Variants in EIPR1 observed in about 807,000 individuals in gnomAD.
The protein encoded by EIPR1 is EARP complex and GARP complex interacting protein 1.
A neutral mutation model predicts 48.1 loss-of-function variants in EIPR1; 25 were observed. That is an observed-to-expected ratio of 0.52 (90% CI 0.38 to 0.73). The LOEUF is 0.73. Ranked by LOEUF, EIPR1 falls within the 30% of genes least tolerant of loss-of-function variation. The probability of loss-of-function intolerance (pLI) is 0.00; values close to 1 mark genes in which losing one functional copy is unlikely to be tolerated. For synonymous variants in EIPR1, 204 were observed against 201.9 expected, an observed-to-expected ratio of 1.01 and a Z score of -0.09; for missense variants, 415 against 506.2, an observed-to-expected ratio of 0.82 and a Z score of 1.73.
At chr2:3,230,599 T>C (rs1340341039) in intron 4 of EIPR1, among the ~76,000 whole-genome samples, 1 of 152,250 alleles carries the variant, frequency 6.6e-6, no homozygotes, top group African/African-American at 2.4e-5. Context: ...ATACCATTTA[T>C]TGAAGAGACT....
intron 4 of EIPR1, among the ~76,000 whole-genome samples, chr2:3,234,808 CTT>C (rs1666349680): frequency 6.6e-6 from 1 of 152,222 alleles, no homozygotes; most frequent in Non-Finnish European, 1.5e-5. Context: ...GACCTGCTCT[CTT>C]GAGTGTCAAA....
chr2:3,366,407 C>G (rs1483754147), intron 1 of EIPR1, among the ~76,000 whole-genome samples: 1 of 152,132 alleles, frequency 6.6e-6, no homozygotes, highest in African/African-American at 2.4e-5. Flanking sequence ...ATTAAAACTT[C>G]CAGCACAGGA....
At chr2:3,220,103 G>C (rs577274790) in intron 4 of EIPR1, among the ~76,000 whole-genome samples, 37 of 152,338 alleles carry the variant, frequency 2.4e-4, no homozygotes, top group African/African-American at 8.7e-4. Context: ...ATCTGAGGTG[G>C]AAGTTTCATC....
chr2:3,360,142 G>A (rs1022593302), intron 1 of EIPR1, among the ~76,000 whole-genome samples: 63 of 151,522 alleles, frequency 4.2e-4, no homozygotes, highest in African/African-American at 1.4e-3. Flanking sequence ...AGTGGCTCAC[G>A]CCTGTAATCC....
At chr2:3,345,082 C>T (rs757558752) in intron 2 of EIPR1, among the ~76,000 whole-genome samples, 1 of 152,240 alleles carries the variant, frequency 6.6e-6, no homozygotes, top group African/African-American at 2.4e-5. Flanking sequence ...CCCAGAAGCA[C>T]GTTGCTCAGA....
chr2:3,256,053 A>G (rs1296023295), intron 4 of EIPR1, among the ~76,000 whole-genome samples: 3 of 152,190 alleles, frequency 2.0e-5, no homozygotes, highest in Non-Finnish European at 1.5e-5. Context: ...ACTGTGCAAG[A>G]CTGGCTGTGA....
intron 1 of EIPR1, among the ~76,000 whole-genome samples, chr2:3,372,688 T>C (rs1034455758): frequency 2.6e-5 from 4 of 152,134 alleles, no homozygotes; most frequent in Non-Finnish European, 2.9e-5. Context: ...AGGAAGAAGT[T>C]GAATCTCTGA....
At chr2:3,310,521 C>T (rs948744045) in intron 3 of EIPR1, among the ~76,000 whole-genome samples, 5 of 145,512 alleles carry the variant, frequency 3.4e-5, no homozygotes, top group African/African-American at 7.8e-5. Context: ...GGCGTAGTGG[C>T]GGGCGCCTGT....
At chr2:3,337,953 C>A in intron 3 of EIPR1, 64 bp downstream of exon 3, 1 of 1,530,006 alleles carries the variant, frequency 6.5e-7, no homozygotes, top group South Asian at 1.3e-5. Flanking sequence ...CAATACAAAA[C>A]CCGTCTTAGG....
intron 3 of EIPR1, among the ~76,000 whole-genome samples, chr2:3,331,078 C>T (rs1422298107): frequency 4.4e-5 from 6 of 135,890 alleles, no homozygotes; most frequent in Non-Finnish European, 8.2e-5. Context: ...TGGGCACACA[C>T]TCATGAGATG....
At chr2:3,344,186 G>T (rs935457803) in intron 2 of EIPR1, among the ~76,000 whole-genome samples, 3 of 152,200 alleles carry the variant, frequency 2.0e-5, no homozygotes, top group Admixed American at 2.0e-4. Flanking sequence ...AAACCCCCCA[G>T]CTCTCACCCT....
chr2:3,341,857 A>G (rs944073310), intron 2 of EIPR1, among the ~76,000 whole-genome samples: 3 of 152,174 alleles, frequency 2.0e-5, no homozygotes, highest in African/African-American at 4.8e-5. Flanking sequence ...GCAGAAACGC[A>G]TTAGAATAAA....
chr2:3,324,988 C>T (rs1572444719), intron 3 of EIPR1, among the ~76,000 whole-genome samples: 2 of 152,230 alleles, frequency 1.3e-5, no homozygotes, highest in African/African-American at 2.4e-5. Flanking sequence ...GGCCAAAGAA[C>T]GGCCTCCAGG....
chr2:3,332,336 G>C (rs893883821), intron 3 of EIPR1, among the ~76,000 whole-genome samples: 6 of 152,226 alleles, frequency 3.9e-5, no homozygotes, highest in African/African-American at 1.2e-4. Context: ...GGAGGGAGGT[G>C]ACTGGAAGTA....
intron 3 of EIPR1, among the ~76,000 whole-genome samples, chr2:3,311,118 G>T (rs944227371): frequency 6.6e-6 from 1 of 152,064 alleles, no homozygotes; most frequent in African/African-American, 2.4e-5. Flanking sequence ...TTGAAAACTG[G>T]CAAGCAAAGA....
intron 1 of EIPR1, among the ~76,000 whole-genome samples, chr2:3,368,548 G>A (rs958030121): frequency 4.1e-4 from 63 of 152,170 alleles, no homozygotes; most frequent in African/African-American, 1.4e-3. Flanking sequence ...ACTGCCTAGA[G>A]GTTCACTGTT....
chr2:3,201,448 A>G (rs1024263838), intron 5 of EIPR1, among the ~76,000 whole-genome samples: 2 of 152,166 alleles, frequency 1.3e-5, no homozygotes, highest in African/African-American at 4.8e-5. Context: ...CTTCCTTCTC[A>G]TTACGTTTGC....
intron 5 of EIPR1, chr2:3,208,599 CTGAG>C: frequency 6.4e-7 from 1 of 1,550,672 alleles, no homozygotes; most frequent in Non-Finnish European, 8.7e-7. Context: ...AGTGAGCTCA[CTGAG>C]TGTCTGTTGA....
At chr2:3,369,041 A>G (rs1267797570) in intron 1 of EIPR1, among the ~76,000 whole-genome samples, 2 of 152,238 alleles carry the variant, frequency 1.3e-5, no homozygotes, top group Non-Finnish European at 2.9e-5. Context: ...AACAAAAAAA[A>G]ACACTATCCT....
Sources: gnomAD v4.1 joint callset for allele counts (sites outside exome capture counted in the v4.1 genomes callset) on GRCh38, gnomAD v4.1.1 for gene constraint, MANE v1.5 for transcripts, NCBI Gene and HGNC (gene_info 2026-07-23, HGNC 2026-07-21) for gene names.